The following NR5A2 variants were observed in gnomAD, a reference collection of about 807,000 sequenced individuals.
NR5A2 encodes the protein CYP7A promoter-binding factor.
Under a neutral mutation model 62.7 loss-of-function variants are expected in NR5A2, and 26 were observed. The ratio of observed to expected loss-of-function variants is 0.41; its 90% CI spans 0.30 to 0.58. NR5A2 has a LOEUF of 0.58. Among genes scored for constraint, NR5A2 ranks in the 20% least tolerant of loss-of-function variants. The probability of loss-of-function intolerance (pLI) is 0.22; values close to 1 mark genes in which losing one functional copy is unlikely to be tolerated. For missense variants in NR5A2, 541 were observed against 669.1 expected (o/e 0.81, Z 2.11); for synonymous variants, 246 against 241.7 (o/e 1.02, Z -0.16).
chr1:200,070,384 A>T (rs1487539179), intron 5 of NR5A2, among the ~76,000 whole-genome samples: 1 of 152,080 alleles, frequency 6.6e-6, no homozygotes, highest in Non-Finnish European at 1.5e-5. Flanking sequence ...CAAGTCAAGA[A>T]TATATACTTT....
intron 7 of NR5A2, among the ~76,000 whole-genome samples, chr1:200,132,080 G>T (rs1169199235): frequency 6.6e-6 from 1 of 152,072 alleles, no homozygotes; most frequent in African/African-American, 2.4e-5. Context: ...TGCAATTTTG[G>T]CTCACTGCAA....
At chr1:200,169,900 C>A (rs183868360) in intron 7 of NR5A2, among the ~76,000 whole-genome samples, 4 of 152,248 alleles carry the variant, frequency 2.6e-5, no homozygotes, top group Non-Finnish European at 4.4e-5. Flanking sequence ...AATGCAGGAG[C>A]CTTTGCAATC....
intron 5 of NR5A2, among the ~76,000 whole-genome samples, chr1:200,053,428 A>G (rs1433717373): frequency 6.6e-6 from 1 of 152,156 alleles, no homozygotes; most frequent in Non-Finnish European, 1.5e-5. Flanking sequence ...CTCTTTTTAC[A>G]TATGAAGAAA....
chr1:200,152,403 G>T (rs1342152561), intron 7 of NR5A2, among the ~76,000 whole-genome samples: 1 of 152,144 alleles, frequency 6.6e-6, no homozygotes, highest in African/African-American at 2.4e-5. Flanking sequence ...CCAAACTCCA[G>T]TTATTTTTTA....
At chr1:200,029,881 C>A (rs956036114) in intron 1 of NR5A2, among the ~76,000 whole-genome samples, 46 of 152,136 alleles carry the variant, frequency 3.0e-4, no homozygotes, top group African/African-American at 1.1e-3. Flanking sequence ...GGCTGTGGCA[C>A]CGGGAGACAA....
chr1:200,051,626 T>C (rs1662638546), intron 5 of NR5A2, among the ~76,000 whole-genome samples: 1 of 152,228 alleles, frequency 6.6e-6, no homozygotes, highest in African/African-American at 2.4e-5. Flanking sequence ...CTTCACAGTT[T>C]GCCTTGGGCT....
chr1:200,174,270 G>A lies in NR5A2; in HGVS notation c.*60G>A. On this transcript the variant is annotated 3_prime_UTR_variant, in exon 8 of 8. Coordinates refer to ENST00000367362, the MANE Select transcript of NR5A2 (RefSeq NM_205860.3). The stretch of plus-strand genomic sequence containing the variant: ...AAAGAGATTGGGGGAGTGGGGAGGG[G>A]GAAGAAGAACAGGAAGAAAAAAAGT... 6.9e-7 allele frequency: 1 copy of A among 1,452,446 alleles called. No individual in the cohort carries two copies. Among genetic ancestry groups the A allele is most frequent in the Non-Finnish European group, 9.1e-7 (1 of 1,101,372 alleles). 90.0% of individuals were successfully genotyped at this position (1,452,446 alleles called of 1,614,324 possible).
At chr1:200,090,031 G>A (rs1242356032) in intron 5 of NR5A2, among the ~76,000 whole-genome samples, 2 of 151,978 alleles carry the variant, frequency 1.3e-5, no homozygotes, top group African/African-American at 4.8e-5. Flanking sequence ...TTGAAATGGG[G>A]ACTATCTGGC....
chr1:200,131,865 A>G (rs1666982259), intron 7 of NR5A2, among the ~76,000 whole-genome samples: 1 of 152,220 alleles, frequency 6.6e-6, no homozygotes. Flanking sequence ...AGAAGGTTAA[A>G]TTTCAAACAG....
At chr1:200,135,976 T>G (rs908345783) in intron 7 of NR5A2, among the ~76,000 whole-genome samples, 1 of 152,240 alleles carries the variant, frequency 6.6e-6, no homozygotes, top group African/African-American at 2.4e-5. Context: ...TTTGAAATCT[T>G]TGATCTACTA....
At chr1:200,041,505 G>A (rs2821364) in intron 2 of NR5A2, among the ~76,000 whole-genome samples, 6,502 of 152,204 alleles carry the variant, frequency 0.043, 280 homozygotes, top group African/African-American at 0.1. Context: ...GGACGCCTCC[G>A]TAGGAGCCCA....
In NR5A2 at chr1:200,102,505, C is replaced by T. The variant is rs909389220; in HGVS notation, c.1111-8697C>T. Reference sequence around the variant, plus strand: ...TCATGTTCATTTCCCAACTGCTGTGCTATTCGTTCACTTTACACCTAAACA... The same window carrying T: ...TCATGTTCATTTCCCAACTGCTGTGTTATTCGTTCACTTTACACCTAAACA... On this transcript the variant is annotated intron_variant, in intron 5 of 7. Transcript: ENST00000367362. Among the ~76,000 whole-genome samples the T allele has an allele frequency of 2.6e-5, 4 of 152,178 alleles. No individual in the cohort carries two copies. The East Asian group carries it at 7.7e-4, about 29-fold the overall frequency.
intron 2 of NR5A2, chr1:200,043,014 G>A (rs528083186): frequency 1.1e-5 from 11 of 985,214 alleles, no homozygotes; most frequent in Non-Finnish European, 1.2e-5. Context: ...GTTCATTACA[G>A]GGCTTCAATA....
chr1:200,085,428 A>G (rs1433845643), intron 5 of NR5A2, among the ~76,000 whole-genome samples: 2 of 152,172 alleles, frequency 1.3e-5, no homozygotes, highest in African/African-American at 2.4e-5. Flanking sequence ...AAGCCTCCTG[A>G]TGTGGAAATT....
Position 200,120,804 on chromosome 1 carries a change from G to C in NR5A2, c.1231-4G>C. On this transcript the variant is annotated splice_region_variant and splice_polypyrimidine_tract_variant and intron_variant, in intron 6 of 7. Transcript: ENST00000367362. ...GTCCTTAAAACTGTGATTCTGTATT[G>C]CAGGTGGACTATTCCATAATAGCAT... is the stretch of plus-strand genomic sequence containing the variant. 6.5e-7 allele frequency: 1 copy of C among 1,536,030 alleles called. No homozygotes were observed.
intron 6 of NR5A2, among the ~76,000 whole-genome samples, chr1:200,111,875 G>A (rs541551280): frequency 1.1e-4 from 16 of 152,264 alleles, no homozygotes; most frequent in Middle Eastern, 3.4e-3. Context: ...CTGAACAGAT[G>A]TTTGTTCGAT....
chr1:200,163,236 G>T (rs1337274928), intron 7 of NR5A2, among the ~76,000 whole-genome samples: 6 of 131,146 alleles, frequency 4.6e-5, no homozygotes, highest in Non-Finnish European at 7.9e-5. Flanking sequence ...CCATGAATTT[G>T]ATATGGAAGA....
At chr1:200,135,532 A>AAAGAAGAAG (rs200025911) in intron 7 of NR5A2, among the ~76,000 whole-genome samples, 1 of 138,544 alleles carries the variant, frequency 7.2e-6, no homozygotes, top group Non-Finnish European at 1.6e-5. Context: ...AAAAAAAAAA[A>AAAGAAGAAG]AAGAAGAAGA....
At chr1:200,079,240 T>A (rs1345742091) in intron 5 of NR5A2, among the ~76,000 whole-genome samples, 2 of 152,222 alleles carry the variant, frequency 1.3e-5, no homozygotes, top group African/African-American at 2.4e-5. Context: ...CCATCTTTGA[T>A]CTCTGGCGAT....
Sources: allele counts gnomAD v4.1 joint callset (sites outside exome capture counted in the v4.1 genomes callset), GRCh38; gene constraint gnomAD v4.1.1; transcripts MANE v1.5; gene names NCBI Gene and HGNC (gene_info 2026-07-23, HGNC 2026-07-21).